The following FBXL20 variants were observed in gnomAD, a reference collection of about 807,000 sequenced individuals.
FBXL20 encodes the protein F-box/LRR-repeat protein 20.
In FBXL20, 11 loss-of-function variants were observed where a neutral mutation model predicts 64.0. The observed-to-expected ratio is 0.17, with a 90% CI of 0.11 to 0.28. The LOEUF is 0.28. Among genes scored for constraint, FBXL20 ranks in the 10% least tolerant of loss-of-function variants. The pLI, the probability that FBXL20 is intolerant of heterozygous loss-of-function variation, is 1.00. For synonymous variants in FBXL20, 184 were observed against 189.0 expected, an observed-to-expected ratio of 0.97 and a Z score of 0.22; for missense variants, 303 against 526.2, an observed-to-expected ratio of 0.58 and a Z score of 4.15.
intron 1 of FBXL20, among the ~76,000 whole-genome samples, chr17:39,348,051 C>A (rs2047650989): frequency 6.6e-6 from 1 of 150,804 alleles, no homozygotes; most frequent in Non-Finnish European, 1.5e-5. Context: ...CAAAACTAAA[C>A]CATTACATTT....
intron 1 of FBXL20, among the ~76,000 whole-genome samples, chr17:39,383,735 G>C (rs970222717): frequency 1.3e-5 from 2 of 151,488 alleles, no homozygotes; most frequent in African/African-American, 4.8e-5. Context: ...GATTACAGGC[G>C]CATGTCACCA....
intron 14 of FBXL20, among the ~76,000 whole-genome samples, chr17:39,263,718 G>C (rs1224514786): frequency 6.6e-6 from 1 of 152,096 alleles, no homozygotes; most frequent in East Asian, 1.9e-4. Context: ...AAAGGTAAAA[G>C]TCTATGTCTA....
intron 1 of FBXL20, among the ~76,000 whole-genome samples, chr17:39,388,260 C>T (rs552025372): frequency 6.6e-6 from 1 of 151,992 alleles, no homozygotes; most frequent in Admixed American, 6.6e-5. Flanking sequence ...AGTTTGAGAC[C>T]AGCCTGACCA....
intron 6 of FBXL20, among the ~76,000 whole-genome samples, chr17:39,288,531 G>A (rs911150731): frequency 6.6e-6 from 1 of 152,004 alleles, no homozygotes; most frequent in African/African-American, 2.4e-5. Flanking sequence ...AGTCAGGCTA[G>A]ATTTGCTCTT....
intron 1 of FBXL20, among the ~76,000 whole-genome samples, chr17:39,394,400 G>A (rs943034741): frequency 6.6e-6 from 1 of 150,636 alleles, no homozygotes; most frequent in Non-Finnish European, 1.5e-5. Flanking sequence ...AGCCTCCCGA[G>A]TAGCTGGGAC....
chr17:39,363,816 A>AAAAAAAC (rs2047825597), intron 1 of FBXL20, among the ~76,000 whole-genome samples: 6 of 144,054 alleles, frequency 4.2e-5, no homozygotes, highest in Admixed American at 7.1e-5. Context: ...ATCTCAAAAA[A>AAAAAAAC]AAAAAAAAAA....
At chr17:39,379,056 G>A (rs2047997687) in intron 1 of FBXL20, among the ~76,000 whole-genome samples, 1 of 149,884 alleles carries the variant, frequency 6.7e-6, no homozygotes, top group Non-Finnish European at 1.5e-5. Context: ...GGAGAAACCC[G>A]GTCTCTACTA....
At chr17:39,268,222 G>A (rs906006350) in intron 12 of FBXL20, among the ~76,000 whole-genome samples, 12 of 151,994 alleles carry the variant, frequency 7.9e-5, no homozygotes, top group African/African-American at 2.9e-4. Context: ...GTGTGGTGGC[G>A]CATGCCTGTA....
At chr17:39,377,807 A>G (rs2047982751) in intron 1 of FBXL20, among the ~76,000 whole-genome samples, 1 of 152,138 alleles carries the variant, frequency 6.6e-6, no homozygotes, top group African/African-American at 2.4e-5. Flanking sequence ...CCAGCCTGCA[A>G]GTCCTGTCTT....
chr17:39,319,050 A>G (rs1412478797), intron 2 of FBXL20, among the ~76,000 whole-genome samples: 1 of 151,498 alleles, frequency 6.6e-6, no homozygotes, highest in African/African-American at 2.4e-5. Flanking sequence ...GGAGATTGAG[A>G]CCAGCCTGGC....
chr17:39,281,995 G>A (rs1475568379), intron 8 of FBXL20, among the ~76,000 whole-genome samples: 3 of 152,122 alleles, frequency 2.0e-5, no homozygotes, highest in Admixed American at 6.5e-5. Flanking sequence ...ATAACCAGAA[G>A]CTCAAGCTGT....
At chr17:39,293,641 G>T (rs1442914116) in intron 6 of FBXL20, among the ~76,000 whole-genome samples, 1 of 152,138 alleles carries the variant, frequency 6.6e-6, no homozygotes, top group African/African-American at 2.4e-5. Flanking sequence ...GGTGTTCAAT[G>T]AATTTTCTCC....
chr17:39,373,396 T>C (rs1213739633), intron 1 of FBXL20, among the ~76,000 whole-genome samples: 2 of 152,164 alleles, frequency 1.3e-5, no homozygotes, highest in Non-Finnish European at 2.9e-5. Context: ...TTGAAAAGCT[T>C]GATTTGGTAT....
At chr17:39,269,310 C>G (rs2144351548) in intron 11 of FBXL20, among the ~76,000 whole-genome samples, 1 of 152,084 alleles carries the variant, frequency 6.6e-6, no homozygotes, top group African/African-American at 2.4e-5. Flanking sequence ...TCTCCTGCCT[C>G]AGCCTCCTGA....
chr17:39,333,302 C>T (rs1331711125), intron 2 of FBXL20, among the ~76,000 whole-genome samples: 4 of 152,222 alleles, frequency 2.6e-5, no homozygotes, highest in African/African-American at 7.2e-5. Flanking sequence ...CGCGCCGCCA[C>T]GCCTGACTGG....
intron 11 of FBXL20, among the ~76,000 whole-genome samples, chr17:39,269,789 C>T (rs977122016): frequency 3.9e-5 from 6 of 152,274 alleles, no homozygotes; most frequent in Non-Finnish European, 5.9e-5. Flanking sequence ...TGAGCCACCG[C>T]GCCCGGCCTT....
chr17:39,265,702 T>C (rs1319857731), intron 12 of FBXL20, among the ~76,000 whole-genome samples: 1 of 151,550 alleles, frequency 6.6e-6, no homozygotes, highest in Admixed American at 6.6e-5. Context: ...TTTTTTTTTT[T>C]TGTAGAGACA....
chr17:39,372,669 G>A (rs1455754379), intron 1 of FBXL20, among the ~76,000 whole-genome samples: 1 of 143,182 alleles, frequency 7.0e-6, no homozygotes, highest in Non-Finnish European at 1.5e-5. Context: ...AGGCTGTAGT[G>A]CAATGGTGCA....
chr17:39,392,168 A>G (rs1302366590), intron 1 of FBXL20, among the ~76,000 whole-genome samples: 2 of 148,060 alleles, frequency 1.4e-5, no homozygotes, highest in Admixed American at 1.3e-4. Context: ...AGCCAGGCGC[A>G]GTGGCTCATG....
Sources: gnomAD v4.1 joint callset for allele counts (sites outside exome capture counted in the v4.1 genomes callset) on GRCh38, gnomAD v4.1.1 for gene constraint, MANE v1.5 for transcripts, NCBI Gene and HGNC (gene_info 2026-07-23, HGNC 2026-07-21) for gene names.